FREM2: variants seen among roughly 807,000 people sequenced by gnomAD.
The protein encoded by FREM2 is FRAS1-related extracellular matrix protein 2.
A neutral mutation model predicts 219.9 loss-of-function variants in FREM2; 119 were observed. That is an observed-to-expected ratio of 0.54 (90% CI 0.47 to 0.63). FREM2 has a LOEUF of 0.63. Among genes scored for constraint, FREM2 ranks in the 30% least tolerant of loss-of-function variants. The pLI is 0.00. For missense variants in FREM2, 4,030 were observed against 3,993.6 expected, an observed-to-expected ratio of 1.01 and a Z score of -0.25; for synonymous variants, 1,562 against 1,522.8, an observed-to-expected ratio of 1.03 and a Z score of -0.60.
intron 13 of FREM2, among the ~76,000 whole-genome samples, chr13:38,858,242 C>G (rs1877635084): frequency 6.6e-6 from 1 of 152,090 alleles, no homozygotes; most frequent in South Asian, 2.1e-4. Context: ...CTGATGTGTA[C>G]ATAGTGTGTT....
chr13:38,758,235 G>C (rs1234900711), intron 2 of FREM2, among the ~76,000 whole-genome samples: 1 of 152,134 alleles, frequency 6.6e-6, no homozygotes, highest in Non-Finnish European at 1.5e-5. Context: ...ATGTCCTAGT[G>C]CCTACCACAT....
intron 2 of FREM2, among the ~76,000 whole-genome samples, chr13:38,756,588 C>T (rs539879675): frequency 1.5e-5 from 2 of 136,300 alleles, no homozygotes; most frequent in East Asian, 4.4e-4. Flanking sequence ...AGTGCAGTGG[C>T]GCGATCTTGG....
intron 6 of FREM2, among the ~76,000 whole-genome samples, chr13:38,799,101 T>C (rs1002385924): frequency 5.9e-5 from 9 of 152,050 alleles, no homozygotes; most frequent in East Asian, 3.8e-4. Context: ...ACATTTTCGA[T>C]GTAGGCATTT....
chr13:38,827,392 G>A (rs1046488511), intron 6 of FREM2: 16 of 152,114 alleles, frequency 1.1e-4, no homozygotes, highest in Non-Finnish European at 1.9e-4. Flanking sequence ...ATGATGTTAA[G>A]TGGTGTGTTC....
intron 6 of FREM2, 151 bp downstream of exon 6, chr13:38,784,959 G>C (rs1451639389): frequency 2.3e-6 from 2 of 866,178 alleles, no homozygotes; most frequent in Non-Finnish European, 3.5e-6. Context: ...TTCAAAGTTG[G>C]CTGCATCTGT....
Position 38,836,237 on chromosome 13 carries a change from A to G in FREM2, c.6020-10336A>G, listed in dbSNP as rs1876701118. 2.0e-5 allele frequency among the ~76,000 whole-genome samples: 3 copies of G among 152,224 alleles called. 1 individual carries two copies. In the South Asian group the frequency reaches 6.2e-4, roughly 32 times the overall value. On this transcript the variant is annotated intron_variant, in intron 6 of 23. Transcript: ENST00000280481. ...GTCATTGGTTCTGTTTATGTGATGG[A>G]TTACATTTATTGATTTGCATATGTT... is the stretch of plus-strand genomic sequence containing the variant.
chr13:38,844,283 TTC>T (rs369904080), intron 6 of FREM2, among the ~76,000 whole-genome samples: 1 of 152,074 alleles, frequency 6.6e-6, no homozygotes, highest in African/African-American at 2.4e-5. Flanking sequence ...GCCTCTTTCT[TTC>T]TCTCTCTCTG....
rs567371994 is a variant in FREM2, at chr13:38,732,525, A to G, written c.5264-31779A>G. On this transcript the variant is annotated intron_variant, in intron 2 of 23. Coordinates refer to ENST00000280481, the MANE Select transcript of FREM2 (RefSeq NM_207361.6). ...GTTCTGTGTAGGTTTTACTAGCTCC[A>G]TATGTGATTCAAAATCAGCAAGATG... Among the ~76,000 whole-genome samples, 6 of 152,324 alleles carry G rather than the reference A, an allele frequency of 3.9e-5. No individual in the cohort carries two copies. In the South Asian group the frequency reaches 1.2e-3, roughly 32 times the overall value.
At chr13:38,871,252 A>G (rs1878146277) in intron 16 of FREM2, among the ~76,000 whole-genome samples, 1 of 152,152 alleles carries the variant, frequency 6.6e-6, no homozygotes, top group Admixed American at 6.6e-5. Context: ...TTGTGACATG[A>G]GCAGTTTACT....
At chr13:38,774,200 T>C (rs1018595769) in intron 4 of FREM2, among the ~76,000 whole-genome samples, 1 of 152,092 alleles carries the variant, frequency 6.6e-6, no homozygotes, top group Non-Finnish European at 1.5e-5. Context: ...CTTATGCTCT[T>C]CTCTTTTCTC....
chr13:38,736,854 A>G (rs1872016788), intron 2 of FREM2, among the ~76,000 whole-genome samples: 1 of 133,250 alleles, frequency 7.5e-6, no homozygotes, highest in African/African-American at 2.9e-5. Flanking sequence ...CATAACTCAA[A>G]TGCAAACCGT....
At chr13:38,739,658 C>G (rs151285296) in intron 2 of FREM2, among the ~76,000 whole-genome samples, 1 of 152,138 alleles carries the variant, frequency 6.6e-6, no homozygotes, top group Non-Finnish European at 1.5e-5. Flanking sequence ...CTGGCTCTTT[C>G]GTGGTCACTA....
intron 2 of FREM2, among the ~76,000 whole-genome samples, chr13:38,722,080 C>T (rs1234389524): frequency 6.6e-6 from 1 of 152,080 alleles, no homozygotes; most frequent in African/African-American, 2.4e-5. Flanking sequence ...AGTGCAGTGG[C>T]ACAATCATAG....
intron 2 of FREM2, among the ~76,000 whole-genome samples, chr13:38,753,283 CT>C: frequency 6.6e-6 from 1 of 151,998 alleles, no homozygotes. Context: ...TATAATTATA[CT>C]TAATTTTAAA....
intron 6 of FREM2, among the ~76,000 whole-genome samples, chr13:38,815,485 C>T (rs1434837328): frequency 2.0e-5 from 3 of 152,022 alleles, no homozygotes; most frequent in African/African-American, 4.8e-5. Context: ...TAAAAGAAGA[C>T]AAAATTAGAT....
At chr13:38,748,820 C>T (rs575729703) in intron 2 of FREM2, among the ~76,000 whole-genome samples, 161 of 152,108 alleles carry the variant, frequency 1.1e-3, no homozygotes, top group African/African-American at 2.7e-3. Flanking sequence ...AATTGTTCAA[C>T]GGAAAAACAT....
At chr13:38,782,680 A>G (rs978794968) in intron 4 of FREM2, among the ~76,000 whole-genome samples, 3 of 152,234 alleles carry the variant, frequency 2.0e-5, no homozygotes. Flanking sequence ...CCTCATCTGC[A>G]AAGTGGGAGA....
At chr13:38,754,485 C>T (rs528156694) in intron 2 of FREM2, among the ~76,000 whole-genome samples, 32 of 152,278 alleles carry the variant, frequency 2.1e-4, no homozygotes, top group African/African-American at 7.5e-4. Flanking sequence ...ATAATATTAG[C>T]AGGCTGCACT....
intron 6 of FREM2, among the ~76,000 whole-genome samples, chr13:38,826,949 T>C (rs1013324685): frequency 1.3e-5 from 2 of 152,126 alleles, no homozygotes; most frequent in Non-Finnish European, 2.9e-5. Context: ...GGAATACTGA[T>C]CTGTATAACA....
Sources: gnomAD v4.1 joint callset for allele counts (sites outside exome capture counted in the v4.1 genomes callset) on GRCh38, gnomAD v4.1.1 for gene constraint, MANE v1.5 for transcripts, NCBI Gene and HGNC (gene_info 2026-07-23, HGNC 2026-07-21) for gene names.